LOXHD1: variants seen among roughly 807,000 people sequenced by gnomAD.
The protein encoded by LOXHD1 is lipoxygenase homology domain-containing protein 1.
In LOXHD1, 205 loss-of-function variants were observed where a neutral mutation model predicts 248.2. The ratio of observed to expected loss-of-function variants is 0.83; its 90% CI spans 0.74 to 0.93. The LOEUF (loss-of-function observed/expected upper bound fraction) is 0.93, where lower values mean the gene tolerates loss of function less well. LOXHD1 is among the 40% of genes least tolerant of loss of function. LOXHD1 has a pLI of 0.00. For synonymous variants in LOXHD1, 1,113 were observed against 1,162.8 expected, an observed-to-expected ratio of 0.96 and a Z score of 0.87; for missense variants, 2,930 against 2,971.6, an observed-to-expected ratio of 0.99 and a Z score of 0.33.
chr18:46,482,695 G>A (rs984401318), intron 40 of LOXHD1, among the ~76,000 whole-genome samples: 23 of 152,342 alleles, frequency 1.5e-4, no homozygotes, highest in African/African-American at 5.1e-4. Flanking sequence ...AGAGCCCATA[G>A]CCGAGGGCTC....
At chr18:46,601,774 T>C in intron 7 of LOXHD1, 1 of 368,712 alleles carries the variant, frequency 2.7e-6, no homozygotes, top group South Asian at 2.5e-5. Flanking sequence ...TGGCTAAGAA[T>C]AGTACTTATT....
chr18:46,645,251 ATCT>A (rs2039014392), intron 2 of LOXHD1, among the ~76,000 whole-genome samples: 1 of 152,210 alleles, frequency 6.6e-6, no homozygotes, highest in African/African-American at 2.4e-5. Context: ...AATCTTAGAA[ATCT>A]TCATGTTTCC....
rs2038228825 is a variant in LOXHD1 at position 46,594,530 on chromosome 18, T to A, written c.1135-64A>T. The A allele has an allele frequency of 1.9e-6, 3 of 1,540,652 alleles. No homozygotes were observed. The South Asian group carries it at 3.6e-5, about 18-fold the overall frequency. On this transcript the variant is annotated intron_variant, in intron 8 of 40. Coordinates refer to ENST00000642948, the MANE Select transcript of LOXHD1 (RefSeq NM_001384474.1). ...TCCAGTAGGGTCCTCTTCGTGATGT[T>A]CAGCAGGCTCCCAGCCCCACATTTA... is the stretch of plus-strand genomic sequence containing the variant.
rs1263661751 is a variant in LOXHD1 at position 46,601,478 on chromosome 18, A to G, written c.884-11T>C. 1 of 1,551,770 alleles carries G rather than the reference A, an allele frequency of 6.4e-7. No homozygotes were observed. Among genetic ancestry groups the G allele is most frequent in the Admixed American group, 2.0e-5 (1 of 51,006 alleles). ...CAATATACGTAATAGCTGGTGTGGA[A>G]ACAACAGGAAAGAGAGTGTTCAATG... On this transcript the variant is annotated splice_polypyrimidine_tract_variant and intron_variant, in intron 7 of 40. Transcript: ENST00000642948.
chr18:46,639,669 C>A lies in LOXHD1; in HGVS notation c.458G>T (p.Arg153Leu). 6.4e-7 allele frequency: 1 copy of A among 1,551,716 alleles called. No homozygotes were observed. The highest frequency in any genetic ancestry group is 8.7e-7 in the Non-Finnish European group (1 of 1,146,990). ...GGCCAGCAGGTCACGGCACCACTGG[C>A]GGTCACCTTCCACCTTGCTCAGCCA... is the stretch of plus-strand genomic sequence containing the variant. ...NNWLSKVEGD[R>L]QWCRDLLASF... The change falls in exon 4 of 41, where the codon CGC (arginine) becomes CTC (leucine). Residue 153 changes from arginine (R) to leucine (L), a missense_variant. Arg to Leu is a moderately radical substitution (Grantham distance 102). Transcript: ENST00000642948.
intron 21 of LOXHD1, among the ~76,000 whole-genome samples, chr18:46,549,354 T>C (rs200642709): frequency 1.3e-5 from 2 of 151,810 alleles, no homozygotes; most frequent in Admixed American, 1.3e-4. Flanking sequence ...AAAAATGGAA[T>C]GAGATTGCAA....
At chr18:46,631,655 C>T (rs536087012) in intron 4 of LOXHD1, among the ~76,000 whole-genome samples, 2 of 152,304 alleles carry the variant, frequency 1.3e-5, no homozygotes, top group African/African-American at 4.8e-5. Flanking sequence ...CACGTTTTAA[C>T]AGAAGATCCG....
At chr18:46,581,050 G>C (rs929424414) in intron 12 of LOXHD1, among the ~76,000 whole-genome samples, 3 of 152,264 alleles carry the variant, frequency 2.0e-5, no homozygotes, top group African/African-American at 7.2e-5. Context: ...AAAGCCATTG[G>C]AGGGCTTCAA....
At chr18:46,622,824 T>C (rs577818571) in intron 4 of LOXHD1, among the ~76,000 whole-genome samples, 4 of 152,352 alleles carry the variant, frequency 2.6e-5, no homozygotes, top group African/African-American at 9.6e-5. Flanking sequence ...TGGGGTTTCC[T>C]AAAGGCAGGG....
chr18:46,647,190 G>A (rs974993486), intron 2 of LOXHD1, among the ~76,000 whole-genome samples: 3 of 152,172 alleles, frequency 2.0e-5, no homozygotes, highest in Non-Finnish European at 4.4e-5. Flanking sequence ...TGCCCCATGG[G>A]ATCTCAGCAA....
intron 12 of LOXHD1, 111 bp from the exon 13 acceptor site, chr18:46,579,895 T>C (rs1378439935): frequency 7.8e-7 from 1 of 1,282,004 alleles, no homozygotes; most frequent in Non-Finnish European, 1.1e-6. Context: ...AGTTCTCATC[T>C]GGGCTGACCT....
At chr18:46,544,446 C>G (rs146080560) in intron 23 of LOXHD1, among the ~76,000 whole-genome samples, 1 of 152,176 alleles carries the variant, frequency 6.6e-6, no homozygotes. Context: ...GGAATGATTG[C>G]AATCACATGC....
At chr18:46,618,099 C>T in intron 5 of LOXHD1, 93 bp downstream of exon 5, 1 of 904,234 alleles carries the variant, frequency 1.1e-6, no homozygotes, top group Non-Finnish European at 1.7e-6. Flanking sequence ...CAAAGTGGGG[C>T]TCAAGCTGCC....
chr18:46,618,060 CAAG>C, intron 5 of LOXHD1, 129 bp downstream of exon 5: 1 of 640,598 alleles, frequency 1.6e-6, no homozygotes, highest in Non-Finnish European at 2.7e-6. Flanking sequence ...AACCACATCA[CAAG>C]AAGTGAGATG....
At chr18:46,480,903 A>C (rs1239178184) in intron 40 of LOXHD1, among the ~76,000 whole-genome samples, 1 of 152,164 alleles carries the variant, frequency 6.6e-6, no homozygotes. Context: ...TACCGGGATA[A>C]ACAATAAAGG....
chr18:46,519,080 G>C, intron 33 of LOXHD1: 2 of 985,552 alleles, frequency 2.0e-6, no homozygotes, highest in Non-Finnish European at 2.4e-6. Context: ...CTTCCTCTGT[G>C]AGGCAGCCTC....
At chr18:46,603,564 G>A (rs1032452998) in intron 7 of LOXHD1, among the ~76,000 whole-genome samples, 4 of 152,182 alleles carry the variant, frequency 2.6e-5, no homozygotes, top group Non-Finnish European at 5.9e-5. Context: ...GAAGTTTTCT[G>A]TGGAATTCAT....
intron 34 of LOXHD1, among the ~76,000 whole-genome samples, chr18:46,515,961 G>A (rs563328272): frequency 4.0e-4 from 61 of 152,250 alleles, no homozygotes; most frequent in African/African-American, 1.3e-3. Flanking sequence ...ATGAAATCCC[G>A]ATTCTGGCTA....
chr18:46,490,057 G>A lies in LOXHD1; in HGVS notation c.5879-915C>T, dbSNP rs559526883. Among the ~76,000 whole-genome samples, 3 of 152,332 alleles carry A rather than the reference G, an allele frequency of 2.0e-5. No homozygotes were observed. In the South Asian group the frequency reaches 6.2e-4, roughly 32 times the overall value. On this transcript the variant is annotated intron_variant, in intron 37 of 40. Transcript: ENST00000642948. ...GAATTGATGTGCACTTGCCTGCATG[G>A]TGTAAATAGCATGCATGTGACAGCT...
Sources: gnomAD v4.1 joint callset for allele counts (sites outside exome capture counted in the v4.1 genomes callset) on GRCh38, gnomAD v4.1.1 for gene constraint, MANE v1.5 for transcripts, NCBI Gene and HGNC (gene_info 2026-07-23, HGNC 2026-07-21) for gene names.